Variants in AGBL1 observed in about 807,000 individuals in gnomAD.
AGBL1 encodes the protein AGBL carboxypeptidase 1, also known as cytosolic carboxypeptidase 4.
AGBL1 carries 130 observed loss-of-function variants against 118.9 expected under a neutral mutation model. That is an observed-to-expected ratio of 1.09 (90% confidence interval 0.95 to 1.26). The LOEUF (loss-of-function observed/expected upper bound fraction) is 1.26. Among genes scored for constraint, AGBL1 ranks in the 50% most tolerant of loss-of-function variants. The pLI is 0.00. For synonymous variants in AGBL1, 555 were observed against 478.9 expected (o/e 1.16, Z -2.08); for missense variants, 1,584 against 1,298.1 (o/e 1.22, Z -3.38).
chr15:86,811,633 G>A (rs2078791135), intron 22 of AGBL1, among the ~76,000 whole-genome samples: 1 of 152,052 alleles, frequency 6.6e-6, no homozygotes. Context: ...CAGCAATCAT[G>A]GAATAATCTT....
intron 22 of AGBL1, among the ~76,000 whole-genome samples, chr15:86,827,452 T>C (rs1289593939): frequency 0.35 from 4,326 of 12,478 alleles, 1,602 homozygotes; most frequent in East Asian, 0.81. Context: ...TGTGTGTGTA[T>C]ATATATATAT....
chr15:86,549,813 C>T (rs369026247), intron 20 of AGBL1, among the ~76,000 whole-genome samples: 2 of 130,816 alleles, frequency 1.5e-5, no homozygotes, highest in East Asian at 4.8e-4. Context: ...ATAATTAGAA[C>T]AGAAAGAAGG....
At chr15:86,954,923 C>T (rs2080915008) in intron 23 of AGBL1, among the ~76,000 whole-genome samples, 1 of 152,080 alleles carries the variant, frequency 6.6e-6, no homozygotes, top group African/African-American at 2.4e-5. Flanking sequence ...TGTGTTATTA[C>T]ATTAGTGGTT....
intron 22 of AGBL1, among the ~76,000 whole-genome samples, chr15:86,866,348 A>G (rs1321041273): frequency 6.6e-6 from 1 of 152,136 alleles, no homozygotes; most frequent in Non-Finnish European, 1.5e-5. Context: ...CCTGAGCCAT[A>G]TTTACTTCAT....
chr15:86,885,046 A>G (rs768658094), intron 22 of AGBL1, among the ~76,000 whole-genome samples: 58 of 152,246 alleles, frequency 3.8e-4, no homozygotes, highest in Non-Finnish European at 7.2e-4. Flanking sequence ...TGCTATTTTT[A>G]TTTACATTTA....
chr15:86,733,889 A>G (rs969446802), intron 22 of AGBL1, among the ~76,000 whole-genome samples: 6 of 152,006 alleles, frequency 3.9e-5, no homozygotes, highest in Non-Finnish European at 7.4e-5. Flanking sequence ...CACCCAGAAC[A>G]CTCTGCCTTC....
intron 23 of AGBL1, among the ~76,000 whole-genome samples, chr15:86,981,712 T>A (rs1567271287): frequency 6.6e-6 from 1 of 152,188 alleles, no homozygotes; most frequent in Non-Finnish European, 1.5e-5. Context: ...TGTTTTTTCT[T>A]TGAATGCCTA....
chr15:86,215,217 A>ATGTG lies in AGBL1; in HGVS notation c.489-9694_489-9693insGTGT, dbSNP rs1360213607. On this transcript the variant is annotated intron_variant, in intron 5 of 22. Transcript: ENST00000614907. ...GCTCTGTGTGTGTGTGTGAGTGTATATGTATGCGTGTGTGTGTGTGTGTGT... is the reference window on the plus strand; with the variant it reads ...GCTCTGTGTGTGTGTGTGAGTGTATATGTGTGTATGCGTGTGTGTGTGTGTGTGT... 1.9e-3 allele frequency among the ~76,000 whole-genome samples: 243 copies of ATGTG among 128,270 alleles called. 3 individuals carry two copies. Among genetic ancestry groups the ATGTG allele is most frequent in the African/African-American group, 5.5e-3 (182 of 33,324 alleles). The allele number at this position is 128,270 out of a possible 152,430, so 84.2% of individuals were successfully genotyped here.
intron 21 of AGBL1, among the ~76,000 whole-genome samples, chr15:86,554,874 C>A (rs11073645): frequency 0.61 from 92,977 of 152,008 alleles, 29,293 homozygotes; most frequent in East Asian, 0.89. Context: ...TTCTTGCCTT[C>A]TGCAACAAGT....
chr15:86,709,781 C>T (rs1289761652), intron 22 of AGBL1, among the ~76,000 whole-genome samples: 1 of 152,092 alleles, frequency 6.6e-6, no homozygotes, highest in African/African-American at 2.4e-5. Flanking sequence ...CTTTTGTCCT[C>T]CCAGATAATG....
At chr15:86,537,482 C>T (rs766932212) in intron 19 of AGBL1, among the ~76,000 whole-genome samples, 4 of 152,216 alleles carry the variant, frequency 2.6e-5, no homozygotes, top group Non-Finnish European at 4.4e-5. Context: ...AGATTTAACT[C>T]TTGAGGAATC....
At chr15:87,026,127 A>AAAT (rs1469415524) in intron 24 of AGBL1, among the ~76,000 whole-genome samples, 1 of 152,122 alleles carries the variant, frequency 6.6e-6, no homozygotes, top group Non-Finnish European at 1.5e-5. Context: ...ACCCAAACAC[A>AAAT]AATACAATAA....
At chr15:86,838,920 G>A (rs1391525399) in intron 22 of AGBL1, among the ~76,000 whole-genome samples, 15 of 114,444 alleles carry the variant, frequency 1.3e-4, no homozygotes, top group Admixed American at 3.7e-4. Flanking sequence ...ACTCCACCCC[G>A]GGCAACAGAA....
chr15:86,542,027 C>A (rs181356851), intron 19 of AGBL1, among the ~76,000 whole-genome samples: 1 of 152,330 alleles, frequency 6.6e-6, no homozygotes, highest in Admixed American at 6.5e-5. Context: ...CATGAGTATA[C>A]AATCTAGAGG....
intron 22 of AGBL1, among the ~76,000 whole-genome samples, chr15:86,826,083 C>T (rs1349692860): frequency 6.6e-6 from 1 of 152,066 alleles, no homozygotes; most frequent in African/African-American, 2.4e-5. Flanking sequence ...ATGTAATCCA[C>T]TGATTTTATC....
chr15:86,215,197 G>A (rs1320673336), intron 5 of AGBL1, among the ~76,000 whole-genome samples: 1 of 150,028 alleles, frequency 6.7e-6, no homozygotes, highest in Non-Finnish European at 1.5e-5. Flanking sequence ...ACCTGGCTCT[G>A]TGTGTGTGTG....
intron 24 of AGBL1, among the ~76,000 whole-genome samples, chr15:86,988,981 AT>A (rs979717825): frequency 3.1e-5 from 4 of 129,620 alleles, no homozygotes; most frequent in South Asian, 2.5e-4. Context: ...TTCATCTCTG[AT>A]TTTTTTCCCC....
chr15:86,921,905 A>T, intron 23 of AGBL1, among the ~76,000 whole-genome samples: 1 of 152,164 alleles, frequency 6.6e-6, no homozygotes, highest in African/African-American at 2.4e-5. Context: ...GAGATGTTCA[A>T]GGTATAAAGT....
intron 1 of AGBL1, among the ~76,000 whole-genome samples, chr15:86,123,962 G>A (rs1047859929): frequency 2.6e-5 from 4 of 152,304 alleles, no homozygotes; most frequent in African/African-American, 9.6e-5. Flanking sequence ...CATGGTAACT[G>A]GGTGGGATAT....
Sources: gnomAD v4.1 joint callset for allele counts (sites outside exome capture counted in the v4.1 genomes callset) on GRCh38, gnomAD v4.1.1 for gene constraint, MANE v1.5 for transcripts, NCBI Gene and HGNC (gene_info 2026-07-23, HGNC 2026-07-21) for gene names.